The following ACTR3C variants were observed in gnomAD, a reference collection of about 807,000 sequenced individuals.
ACTR3C encodes the protein actin related protein 3C.
In ACTR3C, 18 loss-of-function variants were observed where a neutral mutation model predicts 26.3. The ratio of observed to expected loss-of-function variants is 0.68; its 90% CI spans 0.47 to 1.01. ACTR3C has a LOEUF of 1.01. Ranked by LOEUF, ACTR3C falls within the 50% of genes least tolerant of loss-of-function variation. ACTR3C has a pLI of 0.00. For missense variants in ACTR3C, 184 were observed against 250.7 expected (o/e 0.73, Z 1.80); for synonymous variants, 55 against 94.5 (o/e 0.58, Z 2.42).
At chr7:149,921,996 T>C in the ACTR3C span, among the ~76,000 whole-genome samples, 1 of 150,540 alleles carries the variant, frequency 6.6e-6, no homozygotes, top group Admixed American at 6.8e-5. Flanking sequence ...CGTAGTCCCA[T>C]GATGGGTCCT....
At chr7:149,969,024 C>CT in the ACTR3C span, among the ~76,000 whole-genome samples, 2 of 151,922 alleles carry the variant, frequency 1.3e-5, no homozygotes, top group Admixed American at 1.3e-4. Flanking sequence ...ACAAAGATTT[C>CT]AGCTTCTCTC....
At chr7:149,922,001 G>A in the ACTR3C span, among the ~76,000 whole-genome samples, 243 of 149,696 alleles carry the variant, frequency 1.6e-3, no homozygotes, top group African/African-American at 5.7e-3. Flanking sequence ...TCCCATGATG[G>A]GTCCTTTCTG....
the ACTR3C span, among the ~76,000 whole-genome samples, chr7:150,161,221 T>TATATATATATATATAC: frequency 8.0e-6 from 1 of 125,666 alleles, no homozygotes; most frequent in Non-Finnish European, 1.6e-5. Flanking sequence ...TATATATATA[T>TATATATATATATATAC]ATATTTATTA....
chr7:149,963,387 C>T, the ACTR3C span, among the ~76,000 whole-genome samples: 1 of 152,172 alleles, frequency 6.6e-6, no homozygotes, highest in Non-Finnish European at 1.5e-5. Context: ...GTGAGGAAGT[C>T]GAAGGAGAAT....
chr7:150,216,902 C>T, the ACTR3C span, among the ~76,000 whole-genome samples: 1 of 146,122 alleles, frequency 6.8e-6, no homozygotes, highest in Non-Finnish European at 1.5e-5. Flanking sequence ...AGGAGAATCG[C>T]TTGAACCTGG....
At chr7:150,261,703 T>A (rs6973513) in intron 6 of ACTR3C, among the ~76,000 whole-genome samples, 18,775 of 147,150 alleles carry the variant, frequency 0.13, 1,714 homozygotes, top group African/African-American at 0.33. Context: ...CTCCATCTCA[T>A]AAATAAATAA....
intron 6 of ACTR3C, among the ~76,000 whole-genome samples, chr7:150,268,171 A>G (rs908109618): frequency 2.0e-5 from 3 of 150,350 alleles, no homozygotes; most frequent in Non-Finnish European, 4.4e-5. Context: ...TCATTTCTCA[A>G]TGTTCTGTAA....
chr7:149,914,942 C>T, the ACTR3C span, among the ~76,000 whole-genome samples: 1 of 149,644 alleles, frequency 6.7e-6, no homozygotes, highest in South Asian at 2.1e-4. Flanking sequence ...TGCAGTGGCA[C>T]AATCTCGGCT....
chr7:149,963,410 T>G, the ACTR3C span, among the ~76,000 whole-genome samples: 7 of 152,196 alleles, frequency 4.6e-5, no homozygotes, highest in Non-Finnish European at 1.0e-4. Flanking sequence ...CTTTCCTGTA[T>G]TCTCCCAGCA....
the ACTR3C span, among the ~76,000 whole-genome samples, chr7:150,177,269 A>G: frequency 2.0e-5 from 3 of 150,474 alleles, no homozygotes; most frequent in Admixed American, 2.0e-4. Flanking sequence ...TAGTTAACTA[A>G]TTTTTTCCAT....
At chr7:150,282,371 C>T (rs1203351900) in intron 6 of ACTR3C, among the ~76,000 whole-genome samples, 4 of 152,166 alleles carry the variant, frequency 2.6e-5, no homozygotes, top group African/African-American at 4.8e-5. Flanking sequence ...TAATTTTTAT[C>T]GTAACATATT....
chr7:150,032,028 C>G, the ACTR3C span, among the ~76,000 whole-genome samples: 1 of 152,272 alleles, frequency 6.6e-6, no homozygotes, highest in Non-Finnish European at 1.5e-5. Flanking sequence ...AGGGCCCTCA[C>G]AGCCTTGCCC....
chr7:150,039,153 G>T, the ACTR3C span, among the ~76,000 whole-genome samples: 1 of 150,996 alleles, frequency 6.6e-6, no homozygotes, highest in Non-Finnish European at 1.5e-5. Context: ...CTAAGCCGGT[G>T]GGGGAAGAGG....
chr7:149,907,478 T>TCTCTTTCTCTCTCTCTC, the ACTR3C span, among the ~76,000 whole-genome samples: 4 of 97,606 alleles, frequency 4.1e-5, no homozygotes, highest in Non-Finnish European at 8.4e-5. Flanking sequence ...CTCTCTTCTC[T>TCTCTTTCTCTCTCTCTC]TCTCTCTCTC....
the ACTR3C span, among the ~76,000 whole-genome samples, chr7:150,069,442 TA>T: frequency 6.6e-6 from 1 of 151,980 alleles, no homozygotes; most frequent in African/African-American, 2.4e-5. Flanking sequence ...AGATTAGAAT[TA>T]AAAAAATAGT....
chr7:150,029,426 A>AAC, the ACTR3C span, among the ~76,000 whole-genome samples: 8 of 129,618 alleles, frequency 6.2e-5, no homozygotes, highest in South Asian at 2.4e-4. Context: ...AACAAACAAA[A>AAC]AAAAACCATG....
At chr7:150,043,499 A>T in the ACTR3C span, among the ~76,000 whole-genome samples, 1 of 152,236 alleles carries the variant, frequency 6.6e-6, no homozygotes, top group Non-Finnish European at 1.5e-5. Context: ...CAGGGTGGCC[A>T]TCCTTTAGAA....
the ACTR3C span, among the ~76,000 whole-genome samples, chr7:150,092,372 G>A: frequency 1.3e-5 from 2 of 151,526 alleles, no homozygotes; most frequent in Non-Finnish European, 2.9e-5. Flanking sequence ...CAAGGTCAAT[G>A]GGTATGTTCC....
chr7:149,928,367 AT>A, the ACTR3C span, among the ~76,000 whole-genome samples: 2 of 126,902 alleles, frequency 1.6e-5, no homozygotes, highest in South Asian at 2.9e-4. Flanking sequence ...TGCCCGGCTA[AT>A]TTTTTTGTAT....
Sources: gnomAD v4.1 joint callset for allele counts (sites outside exome capture counted in the v4.1 genomes callset) on GRCh38, gnomAD v4.1.1 for gene constraint, MANE v1.5 for transcripts, NCBI Gene and HGNC (gene_info 2026-07-23, HGNC 2026-07-21) for gene names.